Variants in CCBE1 observed in about 807,000 individuals in gnomAD.
CCBE1 encodes collagen and calcium-binding EGF domain-containing protein 1.
A neutral mutation model predicts 50.0 loss-of-function variants in CCBE1; 37 were observed. The ratio of observed to expected loss-of-function variants is 0.74; its 90% CI spans 0.57 to 0.97. The LOEUF (loss-of-function observed/expected upper bound fraction) is 0.97. Ranked by LOEUF, CCBE1 falls within the 50% of genes least tolerant of loss-of-function variation. CCBE1 has a pLI of 0.00. For missense variants in CCBE1, 538 were observed against 523.8 expected, an observed-to-expected ratio of 1.03 and a Z score of -0.26; for synonymous variants, 234 against 203.7, an observed-to-expected ratio of 1.15 and a Z score of -1.27.
rs534689485 is a variant in CCBE1, at chr18:59,685,140, T to A, written c.212+11489A>T. 1.2e-4 allele frequency among the ~76,000 whole-genome samples: 19 copies of A among 152,148 alleles called. No individual in the cohort carries two copies. The South Asian group carries it at 1.3e-3, about 10-fold the overall frequency. The stretch of plus-strand genomic sequence containing the variant: ...AGTGCAGCAACAAAGCAAAATATAT[T>A]TTTTTTAATGCACCAAAGGTCATTG... On this transcript the variant is annotated intron_variant, in intron 2 of 10. Transcript: ENST00000439986.
intron 2 of CCBE1, among the ~76,000 whole-genome samples, chr18:59,510,725 T>C (rs1343426936): frequency 1.3e-5 from 2 of 152,212 alleles, no homozygotes; most frequent in East Asian, 3.8e-4. Flanking sequence ...CCCGGCCAGT[T>C]GCCAATTCAA....
chr18:59,618,361 G>T (rs971563409), intron 2 of CCBE1, among the ~76,000 whole-genome samples: 2 of 151,752 alleles, frequency 1.3e-5, no homozygotes, highest in Admixed American at 1.3e-4. Context: ...GATGTAAAAT[G>T]TAGAGTAGCC....
At chr18:59,674,690 T>G (rs960599754) in intron 2 of CCBE1, among the ~76,000 whole-genome samples, 4 of 152,206 alleles carry the variant, frequency 2.6e-5, no homozygotes, top group African/African-American at 9.7e-5. Context: ...ATATAAGTTA[T>G]TAAGTGTTTG....
At chr18:59,546,584 G>A (rs1317956654) in intron 2 of CCBE1, among the ~76,000 whole-genome samples, 2 of 152,168 alleles carry the variant, frequency 1.3e-5, no homozygotes, top group African/African-American at 4.8e-5. Flanking sequence ...GAAGTGGTTT[G>A]TTCAACAGCA....
At chr18:59,591,874 T>A (rs1002362028) in intron 2 of CCBE1, among the ~76,000 whole-genome samples, 7 of 152,238 alleles carry the variant, frequency 4.6e-5, no homozygotes, top group African/African-American at 1.7e-4. Context: ...TATGTATCGT[T>A]ACAAAACATT....
At chr18:59,588,421 T>C (rs955894850) in intron 2 of CCBE1, among the ~76,000 whole-genome samples, 1 of 151,962 alleles carries the variant, frequency 6.6e-6, no homozygotes, top group Non-Finnish European at 1.5e-5. Flanking sequence ...AAAAAAGAGG[T>C]AAATATTTCC....
At chr18:59,455,208 T>TGA in intron 5 of CCBE1, 1 of 565,682 alleles carries the variant, frequency 1.8e-6, no homozygotes, top group South Asian at 1.9e-5. Context: ...AGGAAGACCC[T>TGA]GATCTTCCTT....
chr18:59,626,099 G>A (rs555982727), intron 2 of CCBE1, among the ~76,000 whole-genome samples: 7 of 152,284 alleles, frequency 4.6e-5, no homozygotes, highest in South Asian at 2.1e-4. Flanking sequence ...GCATCAAAGC[G>A]CAGAAGTGGA....
intron 2 of CCBE1, among the ~76,000 whole-genome samples, chr18:59,489,702 T>C (rs1436626624): frequency 6.6e-6 from 1 of 151,904 alleles, no homozygotes; most frequent in Non-Finnish European, 1.5e-5. Context: ...CGTGAGCCAC[T>C]GCGCCCAGCC....
chr18:59,506,005 G>C (rs1913855322), intron 2 of CCBE1, among the ~76,000 whole-genome samples: 1 of 152,234 alleles, frequency 6.6e-6, no homozygotes, highest in African/African-American at 2.4e-5. Context: ...GGAGCTGGGT[G>C]GGTTGAACAG....
intron 2 of CCBE1, among the ~76,000 whole-genome samples, chr18:59,533,679 G>A (rs1348474357): frequency 6.6e-6 from 1 of 152,060 alleles, no homozygotes; most frequent in Admixed American, 6.5e-5. Context: ...TATCATCCAC[G>A]TTAAAAACAG....
chr18:59,644,277 A>G (rs2144652321), intron 2 of CCBE1, among the ~76,000 whole-genome samples: 1 of 152,262 alleles, frequency 6.6e-6, no homozygotes, highest in African/African-American at 2.4e-5. Flanking sequence ...CTCACCTGCC[A>G]CTCAGCTCCT....
chr18:59,499,973 G>A (rs1913540161), intron 2 of CCBE1, among the ~76,000 whole-genome samples: 1 of 152,176 alleles, frequency 6.6e-6, no homozygotes. Context: ...GGACAACTGT[G>A]GAAAAAACTG....
intron 2 of CCBE1, among the ~76,000 whole-genome samples, chr18:59,603,554 T>C (rs1480049249): frequency 6.6e-6 from 1 of 152,168 alleles, no homozygotes; most frequent in Non-Finnish European, 1.5e-5. Flanking sequence ...TTTCAAGGTT[T>C]TGCTCATCTT....
chr18:59,522,115 GCTTAACTTTT>G (rs1235769049), intron 2 of CCBE1, among the ~76,000 whole-genome samples: 1 of 135,150 alleles, frequency 7.4e-6, no homozygotes, highest in East Asian at 2.1e-4. Flanking sequence ...ACAAACCATG[GCTTAACTTTT>G]CTTTTTTTTT....
At chr18:59,500,212 C>A (rs1913552233) in intron 2 of CCBE1, among the ~76,000 whole-genome samples, 1 of 152,290 alleles carries the variant, frequency 6.6e-6, no homozygotes, top group South Asian at 2.1e-4. Context: ...TGCTGATCAG[C>A]CAGACACACA....
At chr18:59,616,248 G>A (rs892376099) in intron 2 of CCBE1, among the ~76,000 whole-genome samples, 4 of 152,128 alleles carry the variant, frequency 2.6e-5, no homozygotes, top group African/African-American at 7.2e-5. Flanking sequence ...CCGCTTTAGG[G>A]AATGCTCATC....
At chr18:59,653,686 T>TA (rs964656046) in intron 2 of CCBE1, among the ~76,000 whole-genome samples, 34 of 151,976 alleles carry the variant, frequency 2.2e-4, no homozygotes, top group East Asian at 3.9e-4. Flanking sequence ...CCAATAGAGT[T>TA]AAAAAAAATT....
chr18:59,562,566 T>C (rs947735629), intron 2 of CCBE1, among the ~76,000 whole-genome samples: 5 of 152,232 alleles, frequency 3.3e-5, no homozygotes, highest in African/African-American at 7.2e-5. Flanking sequence ...ATAAACCTGC[T>C]TTCTACCCGA....
Sources: gnomAD v4.1 joint callset for allele counts (sites outside exome capture counted in the v4.1 genomes callset) on GRCh38, gnomAD v4.1.1 for gene constraint, MANE v1.5 for transcripts, NCBI Gene and HGNC (gene_info 2026-07-23, HGNC 2026-07-21) for gene names.